The following EPHA6 variants were observed in gnomAD, a reference collection of about 807,000 sequenced individuals.
EPHA6 encodes EPH receptor A6.
In EPHA6, 50 loss-of-function variants were observed where a neutral mutation model predicts 112.0. The observed-to-expected ratio is 0.45, with a 90% confidence interval of 0.36 to 0.56. The LOEUF (loss-of-function observed/expected upper bound fraction) is 0.56. EPHA6 is among the 20% of genes least tolerant of loss of function. The pLI, the probability that EPHA6 is intolerant of heterozygous loss-of-function variation, is 0.00. For synonymous variants in EPHA6, 529 were observed against 490.7 expected (o/e 1.08, Z -1.03); for missense variants, 1,280 against 1,417.4 (o/e 0.90, Z 1.56).
At chr3:97,113,508 A>G (rs2047785870) in intron 3 of EPHA6, among the ~76,000 whole-genome samples, 1 of 152,052 alleles carries the variant, frequency 6.6e-6, no homozygotes, top group Non-Finnish European at 1.5e-5. Flanking sequence ...CCTTGTGTGA[A>G]CAGCCCCCAC....
At chr3:96,939,313 C>G (rs2040797041) in intron 2 of EPHA6, among the ~76,000 whole-genome samples, 1 of 152,184 alleles carries the variant, frequency 6.6e-6, no homozygotes, top group Admixed American at 6.5e-5. Context: ...AGACATTCAG[C>G]TTCTTCCTGT....
chr3:96,912,647 T>A, intron 2 of EPHA6, among the ~76,000 whole-genome samples: 1 of 152,096 alleles, frequency 6.6e-6, no homozygotes, highest in East Asian at 1.9e-4. Context: ...GAATAGAGTG[T>A]CATGATCATA....
intron 2 of EPHA6, among the ~76,000 whole-genome samples, chr3:96,900,998 TG>T (rs1323198738): frequency 6.6e-6 from 1 of 152,194 alleles, no homozygotes; most frequent in African/African-American, 2.4e-5. Flanking sequence ...AAACTAAACT[TG>T]ATTTCATGGC....
At chr3:97,676,831 T>G (rs2031433378) in intron 14 of EPHA6, among the ~76,000 whole-genome samples, 1 of 152,134 alleles carries the variant, frequency 6.6e-6, no homozygotes. Flanking sequence ...TTTTATTTTC[T>G]CCATCATGTT....
At chr3:97,098,182 G>A (rs1383076236) in intron 3 of EPHA6, among the ~76,000 whole-genome samples, 3 of 151,784 alleles carry the variant, frequency 2.0e-5, no homozygotes, top group Non-Finnish European at 2.9e-5. Context: ...TACACCCAAG[G>A]TCATGTAGCT....
chr3:96,893,118 A>G (rs1030251372), intron 2 of EPHA6, among the ~76,000 whole-genome samples: 2 of 152,112 alleles, frequency 1.3e-5, no homozygotes, highest in Non-Finnish European at 2.9e-5. Flanking sequence ...ATCATAGCAC[A>G]ATGCATTACT....
chr3:97,372,208 G>A (rs1207666492), intron 5 of EPHA6, among the ~76,000 whole-genome samples: 3 of 151,992 alleles, frequency 2.0e-5, no homozygotes, highest in African/African-American at 7.2e-5. Context: ...AACATGTGAT[G>A]TCTCCCCCGG....
chr3:96,982,813 C>T (rs2042852882), intron 2 of EPHA6, among the ~76,000 whole-genome samples: 1 of 152,076 alleles, frequency 6.6e-6, no homozygotes, highest in Admixed American at 6.6e-5. Context: ...ATGTAATGGC[C>T]TTCTTTGTGT....
At chr3:96,931,625 C>T (rs1166538991) in intron 2 of EPHA6, among the ~76,000 whole-genome samples, 1 of 152,184 alleles carries the variant, frequency 6.6e-6, no homozygotes, top group East Asian at 1.9e-4. Flanking sequence ...TTGCACTCTC[C>T]AAAGACAGCA....
intron 2 of EPHA6, among the ~76,000 whole-genome samples, chr3:96,934,118 C>CTA (rs1214940788): frequency 6.6e-6 from 1 of 151,746 alleles, no homozygotes; most frequent in Non-Finnish European, 1.5e-5. Flanking sequence ...ATACCTTTTT[C>CTA]TATTTTAATG....
chr3:97,201,259 A>C (rs1183955550), intron 3 of EPHA6, among the ~76,000 whole-genome samples: 4 of 152,148 alleles, frequency 2.6e-5, no homozygotes, highest in Non-Finnish European at 5.9e-5. Flanking sequence ...TTAACTTCAA[A>C]TCACTGATGT....
intron 10 of EPHA6, among the ~76,000 whole-genome samples, chr3:97,484,881 T>C (rs1300323379): frequency 6.6e-6 from 1 of 152,224 alleles, no homozygotes; most frequent in African/African-American, 2.4e-5. Flanking sequence ...CTCTCTGGTT[T>C]TGCTTTTAAG....
intron 2 of EPHA6, among the ~76,000 whole-genome samples, chr3:96,926,830 G>A (rs375478648): frequency 6.6e-6 from 1 of 152,210 alleles, no homozygotes; most frequent in East Asian, 1.9e-4. Flanking sequence ...TATGTCTGCA[G>A]CTTTTCTGGG....
intron 5 of EPHA6, among the ~76,000 whole-genome samples, chr3:97,320,813 G>T (rs2082075549): frequency 8.1e-6 from 1 of 122,916 alleles, no homozygotes; most frequent in African/African-American, 5.1e-5. Context: ...TGTTCTCTGG[G>T]GGCAAAAAAT....
At chr3:97,500,177 C>G (rs2107551789) in intron 10 of EPHA6, among the ~76,000 whole-genome samples, 1 of 152,274 alleles carries the variant, frequency 6.6e-6, no homozygotes, top group South Asian at 2.1e-4. Context: ...ACAAATATTG[C>G]TGTCTTCCAC....
At chr3:97,267,281 A>T (rs1432946589) in intron 5 of EPHA6, among the ~76,000 whole-genome samples, 2 of 151,600 alleles carry the variant, frequency 1.3e-5, no homozygotes, top group South Asian at 2.1e-4. Context: ...AAATCTCTTA[A>T]TGCTTTTTAT....
intron 5 of EPHA6, among the ~76,000 whole-genome samples, chr3:97,262,841 C>T (rs2079547299): frequency 6.6e-6 from 1 of 152,142 alleles, no homozygotes; most frequent in Non-Finnish European, 1.5e-5. Flanking sequence ...GCTATATTCC[C>T]TGTGCCTACA....
At chr3:96,827,862 G>A (rs2033770690) in intron 1 of EPHA6, among the ~76,000 whole-genome samples, 1 of 152,112 alleles carries the variant, frequency 6.6e-6, no homozygotes, top group African/African-American at 2.4e-5. Context: ...TGGCTGCTAA[G>A]AGAGAATATA....
chr3:97,193,133 C>T (rs2077351670), intron 3 of EPHA6, among the ~76,000 whole-genome samples: 1 of 151,982 alleles, frequency 6.6e-6, no homozygotes, highest in African/African-American at 2.4e-5. Context: ...GTCTTTTGTG[C>T]TTTCATATAC....
Sources: allele counts gnomAD v4.1 joint callset (sites outside exome capture counted in the v4.1 genomes callset), GRCh38; gene constraint gnomAD v4.1.1; transcripts MANE v1.5; gene names NCBI Gene and HGNC (gene_info 2026-07-23, HGNC 2026-07-21).